MOCOS: variants seen among roughly 807,000 people sequenced by gnomAD.
MOCOS encodes molybdenum cofactor sulfurase.
In MOCOS, 86 loss-of-function variants were observed where a neutral mutation model predicts 83.6. That is an observed-to-expected ratio of 1.03 (90% CI 0.86 to 1.23). The LOEUF (loss-of-function observed/expected upper bound fraction) is 1.23. Among genes scored for constraint, MOCOS ranks in the 50% most tolerant of loss-of-function variants. MOCOS has a pLI of 0.00. For missense variants in MOCOS, 1,120 were observed against 1,126.9 expected (o/e 0.99, Z 0.09); for synonymous variants, 445 against 434.7 (o/e 1.02, Z -0.29).
chr18:36,231,533 TAGTA>T (rs1017050938), intron 9 of MOCOS, among the ~76,000 whole-genome samples: 53 of 152,310 alleles, frequency 3.5e-4, no homozygotes, highest in African/African-American at 1.2e-3. Context: ...TACTGTGACA[TAGTA>T]AGTTTTTTGT....
chr18:36,258,461 T>A (rs1252656133), intron 12 of MOCOS, among the ~76,000 whole-genome samples: 2 of 152,176 alleles, frequency 1.3e-5, no homozygotes, highest in African/African-American at 4.8e-5. Context: ...ATCCTCTTGT[T>A]GCAGATGAGG....
intron 5 of MOCOS, 61 bp from the exon 6 acceptor site, chr18:36,205,016 A>AAAAAAAAATT: frequency 8.0e-7 from 1 of 1,242,582 alleles, no homozygotes; most frequent in Non-Finnish European, 1.1e-6. Flanking sequence ...AAAAAAAAAA[A>AAAAAAAAATT]GAGTGAATTG....
chr18:36,190,811 A>G (rs2091362084), intron 1 of MOCOS, among the ~76,000 whole-genome samples: 1 of 151,792 alleles, frequency 6.6e-6, no homozygotes, highest in South Asian at 2.1e-4. Context: ...AGTGGCTCAT[A>G]CCTGTAATCC....
rs1419092875 is a variant in MOCOS at position 36,258,026 on chromosome 18, GT to G, written c.2270+954del. ...GCTCGCTATCTTTGAGAGCAAAAGT[GT>G]GATGCAGCCACATGTTCTCTGGGTA... On this transcript the variant is annotated intron_variant, in intron 12 of 14. Coordinates refer to ENST00000261326, the MANE Select transcript of MOCOS (RefSeq NM_017947.4). 2.0e-5 allele frequency among the ~76,000 whole-genome samples: 3 copies of G among 152,176 alleles called. No homozygotes were observed. The East Asian group carries it at 5.8e-4, about 29-fold the overall frequency.
intron 11 of MOCOS, among the ~76,000 whole-genome samples, chr18:36,254,582 T>C (rs1414545693): frequency 2.6e-5 from 4 of 151,088 alleles, no homozygotes; most frequent in African/African-American, 9.8e-5. Context: ...CCTTTTCATA[T>C]ATATGTGTGT....
intron 10 of MOCOS, among the ~76,000 whole-genome samples, chr18:36,250,305 T>C (rs2091617158): frequency 1.3e-5 from 2 of 152,198 alleles, no homozygotes; most frequent in African/African-American, 2.4e-5. Context: ...TATCAAACCA[T>C]ATTGCACGTC....
At chr18:36,219,933 C>A in intron 8 of MOCOS, 122 bp from the exon 9 acceptor site, 1 of 1,264,080 alleles carries the variant, frequency 7.9e-7, no homozygotes, top group African/African-American at 1.5e-5. Flanking sequence ...TCCTCCCTTT[C>A]TTCCTTCCAG....
At chr18:36,205,395 G>A in intron 6 of MOCOS, 119 bp downstream of exon 6, 1 of 1,025,412 alleles carries the variant, frequency 9.8e-7, no homozygotes, top group Non-Finnish European at 1.5e-6. Context: ...TCAGCCACAT[G>A]CCTTTCCACC....
chr18:36,264,106 T>C (rs566813148), intron 13 of MOCOS, among the ~76,000 whole-genome samples: 7 of 151,530 alleles, frequency 4.6e-5, no homozygotes, highest in Non-Finnish European at 7.4e-5. Flanking sequence ...ACACAGGAGG[T>C]GGAGTTTGCA....
chr18:36,255,089 A>G (rs942244503), intron 11 of MOCOS, among the ~76,000 whole-genome samples: 2 of 152,194 alleles, frequency 1.3e-5, no homozygotes, highest in Non-Finnish European at 2.9e-5. Flanking sequence ...TTTGAAAAAT[A>G]ATTATTAAAC....
chr18:36,248,233 T>C (rs1019986124), intron 9 of MOCOS, among the ~76,000 whole-genome samples: 3 of 152,202 alleles, frequency 2.0e-5, no homozygotes, highest in African/African-American at 7.2e-5. Flanking sequence ...TGATTAGCCA[T>C]TTGCATGTCT....
intron 13 of MOCOS, among the ~76,000 whole-genome samples, chr18:36,266,509 A>T (rs1383474590): frequency 1.3e-5 from 2 of 152,078 alleles, no homozygotes; most frequent in African/African-American, 2.4e-5. Context: ...CCATTCTCCA[A>T]CATTTCCTGA....
Position 36,215,663 on chromosome 18 carries a change from G to A in MOCOS, c.1483G>A (p.Asp495Asn), listed in dbSNP as rs8088347. Residue 495 changes from aspartate (D) to asparagine (N), a missense_variant, in exon 8 of 15, where the codon GAC becomes AAC. Physicochemically the swap from Asp to Asn is conservative, Grantham distance 23 (BLOSUM62 1). Transcript: ENST00000261326. ...AGACACTCGCCTGCACTCATCAGGG[G>A]ACTGGCCTGTCCCTCAGGCCCATGC... ...IIDTRLHSSGDWPVPQAHADT... is the reference protein window; with the variant it reads ...IIDTRLHSSGNWPVPQAHADT... 2.5e-6 allele frequency: 4 copies of A among 1,614,032 alleles called. No individual in the cohort carries two copies. Among genetic ancestry groups the A allele is most frequent in the African/African-American group, 2.7e-5 (2 of 74,912 alleles).
chr18:36,193,323 A>AT (rs2091374089), intron 1 of MOCOS, among the ~76,000 whole-genome samples: 1 of 59,546 alleles, frequency 1.7e-5, no homozygotes, highest in Non-Finnish European at 3.5e-5. Flanking sequence ...GTCTCAAAAA[A>AT]AAAAAAAAAA....
At chr18:36,223,720 A>G (rs1023762009) in intron 9 of MOCOS, among the ~76,000 whole-genome samples, 1 of 152,220 alleles carries the variant, frequency 6.6e-6, no homozygotes, top group African/African-American at 2.4e-5. Context: ...CTTCTAATCC[A>G]TGAACATGGA....
chr18:36,238,902 C>T (rs1324247797), intron 9 of MOCOS, among the ~76,000 whole-genome samples: 1 of 146,294 alleles, frequency 6.8e-6, no homozygotes, highest in Non-Finnish European at 1.5e-5. Context: ...CCTTCTTTGT[C>T]TCTTTTGATC....
rs866074225 is a variant in MOCOS at position 36,271,700 on chromosome 18, G to A, written c.*3015G>A. On this transcript the variant is annotated 3_prime_UTR_variant, in exon 15 of 15. Coordinates refer to ENST00000261326, the MANE Select transcript of MOCOS (RefSeq NM_017947.4). ...ATAACTTGTCTTTCTGGGCATTCGC[G>A]TCATGGTCCTTTTAGCCAGAAGAGA... 7.2e-5 allele frequency: 11 copies of A among 152,128 alleles called. No homozygotes were observed. The highest frequency in any genetic ancestry group is 1.3e-4 in the Admixed American group (2 of 15,276). 9.4% of individuals were successfully genotyped at this position (152,128 alleles called of 1,614,324 possible). A position where few individuals can be genotyped will look rare whatever the true frequency, so the allele number is the denominator to read the frequency against.
chr18:36,213,921 A>C (rs1314860765), intron 7 of MOCOS, among the ~76,000 whole-genome samples: 1 of 145,556 alleles, frequency 6.9e-6, no homozygotes, highest in Non-Finnish European at 1.5e-5. Flanking sequence ...ACAGAGCAAG[A>C]CTCCATCCCC....
intron 13 of MOCOS, among the ~76,000 whole-genome samples, 197 bp from the exon 14 acceptor site, chr18:36,266,552 G>T (rs1337140212): frequency 6.6e-6 from 1 of 151,834 alleles, no homozygotes; most frequent in African/African-American, 2.4e-5. Context: ...TCTTTTCTTT[G>T]TCTGCAAAGA....
Sources: gnomAD v4.1 joint callset for allele counts (sites outside exome capture counted in the v4.1 genomes callset) on GRCh38, gnomAD v4.1.1 for gene constraint, MANE v1.5 for transcripts, NCBI Gene and HGNC (gene_info 2026-07-23, HGNC 2026-07-21) for gene names.